Variants in SLC39A12 observed in about 807,000 individuals in gnomAD.
SLC39A12 encodes the protein solute carrier family 39 member 12, also known as zinc transporter ZIP12.
A neutral mutation model predicts 71.1 loss-of-function variants in SLC39A12; 63 were observed. The observed-to-expected ratio is 0.89, with a 90% CI of 0.72 to 1.09. The LOEUF is 1.09. SLC39A12 is among the 50% of genes least tolerant of loss of function. The pLI, the probability that SLC39A12 is intolerant of heterozygous loss-of-function variation, is 0.00. For missense variants in SLC39A12, 892 were observed against 812.6 expected (o/e 1.10, Z -1.19); for synonymous variants, 351 against 301.3 (o/e 1.16, Z -1.71).
At chr10:18,013,119 A>G (rs889053205) in intron 12 of SLC39A12, among the ~76,000 whole-genome samples, 2 of 151,350 alleles carry the variant, frequency 1.3e-5, no homozygotes, top group Non-Finnish European at 2.9e-5. Context: ...TTGTAATATT[A>G]TAATCTTTAT....
At chr10:17,996,962 C>A (rs1201900509) in intron 10 of SLC39A12, among the ~76,000 whole-genome samples, 4 of 143,276 alleles carry the variant, frequency 2.8e-5, no homozygotes, top group African/African-American at 1.0e-4. Context: ...TTGCAGTGAG[C>A]CGAGATCGCG....
intron 10 of SLC39A12, among the ~76,000 whole-genome samples, chr10:17,996,771 G>GGT (rs1564650953): frequency 1.3e-5 from 2 of 151,802 alleles, no homozygotes; most frequent in Non-Finnish European, 2.9e-5. Context: ...GCCGAGGCGG[G>GGT]CAGATCACGA....
At chr10:18,014,011 G>A (rs1836309047) in intron 12 of SLC39A12, among the ~76,000 whole-genome samples, 1 of 151,982 alleles carries the variant, frequency 6.6e-6, no homozygotes, top group Non-Finnish European at 1.5e-5. Context: ...AAAGTGATTG[G>A]GATTTTGGTA....
chr10:17,957,883 G>A (rs59883653), intron 2 of SLC39A12, among the ~76,000 whole-genome samples: 5,106 of 152,192 alleles, frequency 0.034, 272 homozygotes, highest in African/African-American at 0.12. Flanking sequence ...TTTCCAGCCC[G>A]TGGTCATTTG....
At position 17,989,036 on chromosome 10, in the gene SLC39A12, G is replaced by C. The variant is rs575501237; in HGVS notation, c.1269+1385G>C. Among the ~76,000 whole-genome samples the C allele has an allele frequency of 4.6e-5, 7 of 152,302 alleles. No homozygotes were observed. The East Asian group carries it at 1.4e-3, about 29-fold the overall frequency. ...GTGTCTAGATTTCTCTTAAGGGCAG[G>C]TGAGCACCAGGAGGCTGCCTCCTGT... On this transcript the variant is annotated intron_variant, in intron 7 of 12. Transcript: ENST00000377369.
intron 6 of SLC39A12, among the ~76,000 whole-genome samples, chr10:17,985,147 A>C (rs1835368031): frequency 6.6e-6 from 1 of 152,190 alleles, no homozygotes; most frequent in South Asian, 2.1e-4. Flanking sequence ...GTTCGAGACC[A>C]GCCTGGCCAA....
chr10:17,975,233 C>G (rs533336234), intron 4 of SLC39A12, among the ~76,000 whole-genome samples: 11 of 152,060 alleles, frequency 7.2e-5, no homozygotes, highest in Non-Finnish European at 1.3e-4. Context: ...TCAGGCCCCC[C>G]ACCCCAAGAG....
intron 7 of SLC39A12, among the ~76,000 whole-genome samples, chr10:17,990,061 C>G (rs1341735222): frequency 6.6e-6 from 1 of 152,116 alleles, no homozygotes; most frequent in Non-Finnish European, 1.5e-5. Context: ...ATGTGATTGC[C>G]TTTTTTAGTC....
chr10:18,023,820 C>G (rs1429849132), intron 12 of SLC39A12, among the ~76,000 whole-genome samples: 4 of 152,226 alleles, frequency 2.6e-5, no homozygotes, highest in African/African-American at 9.6e-5. Context: ...CACCACCAAC[C>G]TAAGTGCCCA....
intron 6 of SLC39A12, among the ~76,000 whole-genome samples, chr10:17,983,566 G>A (rs1484419084): frequency 2.0e-5 from 3 of 152,072 alleles, no homozygotes; most frequent in Admixed American, 6.6e-5. Context: ...GGCAGCTCAC[G>A]AGGTCAGGAG....
intron 12 of SLC39A12, among the ~76,000 whole-genome samples, chr10:18,042,358 A>T (rs1837280642): frequency 6.6e-6 from 1 of 151,356 alleles, no homozygotes; most frequent in African/African-American, 2.4e-5. Flanking sequence ...ACGCACCTGG[A>T]AGGCTGAGGT....
chr10:17,986,241 G>T (rs1193731152), intron 6 of SLC39A12, among the ~76,000 whole-genome samples: 3 of 152,202 alleles, frequency 2.0e-5, no homozygotes, highest in Admixed American at 6.5e-5. Context: ...AGGGTTGGAG[G>T]TGAGCTCAGT....
chr10:18,025,774 T>C (rs936063982), intron 12 of SLC39A12, among the ~76,000 whole-genome samples: 1 of 152,158 alleles, frequency 6.6e-6, no homozygotes, highest in Non-Finnish European at 1.5e-5. Flanking sequence ...AGGGTCAAAT[T>C]GTATTTCTAG....
chr10:17,963,563 G>A (rs1380401767), intron 3 of SLC39A12, among the ~76,000 whole-genome samples: 1 of 152,176 alleles, frequency 6.6e-6, no homozygotes, highest in East Asian at 1.9e-4. Context: ...TACACCTCAG[G>A]CCAGTGAACA....
intron 7 of SLC39A12, among the ~76,000 whole-genome samples, chr10:17,988,247 G>T (rs1835455344): frequency 6.6e-6 from 1 of 152,200 alleles, no homozygotes; most frequent in African/African-American, 2.4e-5. Flanking sequence ...GGCGAAGGTT[G>T]CAGTGAGCAA....
rs1246981710 is a variant in SLC39A12 at position 17,987,617 on chromosome 10, T to C, written c.1235T>C (p.Leu412Pro). 7.4e-6 allele frequency: 12 copies of C among 1,614,190 alleles called. No individual in the cohort carries two copies. Among genetic ancestry groups the C allele is most frequent in the Middle Eastern group, 1.6e-4 (1 of 6,062 alleles). ...QLFVGLAVGT[L>P]SGDALLHLIP... ...TTTGTGGGCTTGGCCGTCGGGACACTGTCTGGGGACGCTCTGCTCCACCTT... is the reference window on the plus strand; with the variant it reads ...TTTGTGGGCTTGGCCGTCGGGACACCGTCTGGGGACGCTCTGCTCCACCTT... The change falls in exon 7 of 13, where the codon CTG becomes CCG. Residue 412 changes from leucine to proline, a missense_variant. Coordinates refer to ENST00000377369, the MANE Select transcript of SLC39A12 (RefSeq NM_001145195.2).
chr10:18,018,970 T>G (rs1379986541), intron 12 of SLC39A12, among the ~76,000 whole-genome samples: 1 of 152,116 alleles, frequency 6.6e-6, no homozygotes, highest in Non-Finnish European at 1.5e-5. Context: ...ATTGGTAAAA[T>G]TTTTTCCTAA....
chr10:17,963,682 G>C (rs1444175005), intron 3 of SLC39A12, among the ~76,000 whole-genome samples: 5 of 152,112 alleles, frequency 3.3e-5, no homozygotes, highest in Non-Finnish European at 5.9e-5. Context: ...GGAGGCTTTT[G>C]GCACTTCACC....
In SLC39A12 at chr10:18,042,866, TTA is replaced by T; in HGVS notation, c.*38_*39del. The T allele has an allele frequency of 6.4e-7, 1 of 1,572,666 alleles. No individual in the cohort carries two copies. Among genetic ancestry groups the T allele is most frequent in the East Asian group, 2.3e-5 (1 of 43,830 alleles). ...TCTTCAACATCTTTCAAAAATGCATTTATATAGTCTTACTTTGTTTCTTTCAT... is the reference window on the plus strand; with the variant it reads ...TCTTCAACATCTTTCAAAAATGCATTTATAGTCTTACTTTGTTTCTTTCAT... On this transcript the variant is annotated 3_prime_UTR_variant, in exon 13 of 13. Coordinates refer to ENST00000377369, the MANE Select transcript of SLC39A12 (RefSeq NM_001145195.2).
Sources: gnomAD v4.1 joint callset for allele counts (sites outside exome capture counted in the v4.1 genomes callset) on GRCh38, gnomAD v4.1.1 for gene constraint, MANE v1.5 for transcripts, NCBI Gene and HGNC (gene_info 2026-07-23, HGNC 2026-07-21) for gene names.